Variants in TRDN observed in about 807,000 individuals in gnomAD.
The protein encoded by TRDN is triadin.
TRDN carries 161 observed loss-of-function variants against 149.7 expected under a neutral mutation model. The ratio of observed to expected loss-of-function variants is 1.08; its 90% CI spans 0.95 to 1.23. The LOEUF (loss-of-function observed/expected upper bound fraction) is 1.23. TRDN is among the 50% of genes most tolerant of loss of function. The pLI, the probability that TRDN is intolerant of heterozygous loss-of-function variation, is 0.00. For missense variants in TRDN, 896 were observed against 823.5 expected (o/e 1.09, Z -1.08); for synonymous variants, 294 against 250.5 (o/e 1.17, Z -1.64).
intron 10 of TRDN, among the ~76,000 whole-genome samples, chr6:123,454,542 G>C (rs1424058377): frequency 6.6e-6 from 1 of 152,172 alleles, no homozygotes; most frequent in Non-Finnish European, 1.5e-5. Flanking sequence ...ATGGGCTCAG[G>C]AAAGATGACG....
chr6:123,626,467 C>G (rs1472212524), intron 1 of TRDN, among the ~76,000 whole-genome samples: 2 of 150,924 alleles, frequency 1.3e-5, no homozygotes, highest in African/African-American at 4.9e-5. Flanking sequence ...GACACTGGCT[C>G]AAAAGAAAAA....
At chr6:123,301,096 GC>G (rs1778380676) in intron 24 of TRDN, among the ~76,000 whole-genome samples, 1 of 151,878 alleles carries the variant, frequency 6.6e-6, no homozygotes, top group East Asian at 1.9e-4. Flanking sequence ...TGTCCTGACA[GC>G]ATCTACATTT....
chr6:123,494,405 C>T (rs1778346706), intron 9 of TRDN, among the ~76,000 whole-genome samples: 1 of 152,044 alleles, frequency 6.6e-6, no homozygotes. Flanking sequence ...TACTAGCATC[C>T]CTCGCTGAAT....
intron 9 of TRDN, among the ~76,000 whole-genome samples, chr6:123,479,657 T>C (rs982676675): frequency 6.6e-6 from 1 of 152,154 alleles, no homozygotes; most frequent in African/African-American, 2.4e-5. Context: ...AGTGCTCTTA[T>C]ACAACAGTAT....
intron 24 of TRDN, among the ~76,000 whole-genome samples, chr6:123,292,199 G>A (rs12173690): frequency 0.18 from 27,432 of 152,068 alleles, 3,132 homozygotes; most frequent in East Asian, 0.54. Flanking sequence ...CTATGCTGAT[G>A]ACAAGGTCAT....
intron 1 of TRDN, among the ~76,000 whole-genome samples, chr6:123,624,229 A>G (rs541058202): frequency 2.6e-5 from 4 of 152,204 alleles, no homozygotes; most frequent in African/African-American, 9.6e-5. Flanking sequence ...GAAGAAGATA[A>G]AATACTATGT....
At chr6:123,337,796 A>G (rs1006546828) in intron 21 of TRDN, 127 bp from the exon 22 acceptor site, 1 of 522,546 alleles carries the variant, frequency 1.9e-6, no homozygotes, top group Non-Finnish European at 3.4e-6. Flanking sequence ...TTCACAATAC[A>G]AATGTCTCCA....
At chr6:123,540,550 C>T (rs953865086) in intron 4 of TRDN, among the ~76,000 whole-genome samples, 1 of 152,190 alleles carries the variant, frequency 6.6e-6, no homozygotes, top group Non-Finnish European at 1.5e-5. Flanking sequence ...GTTTGAGTCT[C>T]GCTCTGTCAC....
chr6:123,444,179 A>G, intron 10 of TRDN, among the ~76,000 whole-genome samples: 1 of 142,870 alleles, frequency 7.0e-6, no homozygotes, highest in East Asian at 2.0e-4. Flanking sequence ...ATTTGTTTGT[A>G]TCCTCTTTTA....
chr6:123,292,474 C>T (rs2114653276), intron 24 of TRDN, among the ~76,000 whole-genome samples: 1 of 152,274 alleles, frequency 6.6e-6, no homozygotes, highest in Admixed American at 6.5e-5. Flanking sequence ...ACAAACTTCC[C>T]TTTTCCCTTT....
intron 1 of TRDN, among the ~76,000 whole-genome samples, chr6:123,624,268 C>A (rs551702289): frequency 6.6e-6 from 1 of 152,026 alleles, no homozygotes; most frequent in African/African-American, 2.4e-5. Flanking sequence ...TGAGAGCTCA[C>A]GTCCCTCAAA....
At chr6:123,310,511 G>T (rs1278522510) in intron 24 of TRDN, among the ~76,000 whole-genome samples, 1 of 151,910 alleles carries the variant, frequency 6.6e-6, no homozygotes, top group Non-Finnish European at 1.5e-5. Flanking sequence ...GTGCAGGATT[G>T]CTATAACAAA....
intron 5 of TRDN, among the ~76,000 whole-genome samples, chr6:123,519,251 G>A (rs1471025056): frequency 2.0e-5 from 3 of 152,136 alleles, no homozygotes; most frequent in African/African-American, 7.2e-5. Context: ...CATCTGAGTT[G>A]GCATGGGCCT....
At chr6:123,393,715 A>G (rs755691683) in intron 12 of TRDN, 38 bp from the exon 13 acceptor site, 36 of 1,558,484 alleles carry the variant, frequency 2.3e-5, no homozygotes, top group Middle Eastern at 1.7e-4. Context: ...ATGAAGTATG[A>G]TTTTGGAAAA....
intron 9 of TRDN, among the ~76,000 whole-genome samples, chr6:123,487,226 T>C (rs2114785796): frequency 6.6e-6 from 1 of 152,162 alleles, no homozygotes; most frequent in East Asian, 1.9e-4. Flanking sequence ...CAGGTCAAGT[T>C]CTAGCAGCTT....
chr6:123,416,342 A>G (rs1217399070), intron 12 of TRDN, among the ~76,000 whole-genome samples: 1 of 152,086 alleles, frequency 6.6e-6, no homozygotes, highest in African/African-American at 2.4e-5. Context: ...CACTCATGCT[A>G]TTCTATTCCA....
At position 123,438,984 on chromosome 6, in the gene TRDN, C is replaced by A; in HGVS notation, c.951G>T (p.Lys317Asn). ...CAGAAGTAACTTTCTTCTCAGCCTTCTTCTTTTCCCCTTCTTTTTCTAGAG... is the reference window on the plus strand; with the variant it reads ...CAGAAGTAACTTTCTTCTCAGCCTTATTCTTTTCCCCTTCTTTTTCTAGAG... ...PALEEKEGEKKKAEKKVTSET... is the reference protein window; with the variant it reads ...PALEEKEGEKNKAEKKVTSET... The change falls in exon 11 of 41, where the codon AAG becomes AAT. Residue 317 changes from lysine (K) to asparagine (N), a missense_variant. By Grantham distance (94) the Lys-to-Asn change is moderately conservative. Coordinates refer to ENST00000334268, the MANE Select transcript of TRDN (RefSeq NM_006073.4). 6.4e-7 allele frequency: 1 copy of A among 1,560,056 alleles called. No individual in the cohort carries two copies.
At chr6:123,235,210 T>C (rs370322632) in intron 38 of TRDN, among the ~76,000 whole-genome samples, 12 of 152,112 alleles carry the variant, frequency 7.9e-5, no homozygotes, top group East Asian at 7.7e-4. Context: ...GGGATCAGTC[T>C]CTCAGATAGC....
intron 40 of TRDN, among the ~76,000 whole-genome samples, chr6:123,219,587 A>G (rs1357705042): frequency 6.6e-6 from 1 of 151,888 alleles, no homozygotes; most frequent in Non-Finnish European, 1.5e-5. Flanking sequence ...AGTAGAATAA[A>G]GCAAAGGATA....
Sources: allele counts gnomAD v4.1 joint callset (sites outside exome capture counted in the v4.1 genomes callset), GRCh38; gene constraint gnomAD v4.1.1; transcripts MANE v1.5; gene names NCBI Gene and HGNC (gene_info 2026-07-23, HGNC 2026-07-21).